Variants in FBLIM1 observed in about 807,000 individuals in gnomAD.
FBLIM1 encodes filamin binding LIM protein 1, also known as filamin-binding LIM protein 1.
In FBLIM1, 29 loss-of-function variants were observed where a neutral mutation model predicts 37.4. That is an observed-to-expected ratio of 0.77 (90% CI 0.58 to 1.06). The LOEUF (loss-of-function observed/expected upper bound fraction) is 1.06, where lower values mean the gene tolerates loss of function less well. Among genes scored for constraint, FBLIM1 ranks in the 50% least tolerant of loss-of-function variants. The pLI, the probability that FBLIM1 is intolerant of heterozygous loss-of-function variation, is 0.00. For synonymous variants in FBLIM1, 193 were observed against 199.0 expected (o/e 0.97, Z 0.25); for missense variants, 449 against 505.6 (o/e 0.89, Z 1.07).
rs201178759 is a variant in FBLIM1 at position 15,774,657 on chromosome 1, C to A, written c.751C>A (p.Arg251=). Residue 251 remains arginine, a synonymous_variant, in exon 7 of 9, where the codon CGG becomes AGG. Coordinates refer to ENST00000375766, the MANE Select transcript of FBLIM1 (RefSeq NM_017556.4). ...ERCGKCGEVV[R]DHIIRALGQA... ...GTGCGGCAAGTGTGGCGAGGTGGTC[C>A]GGGACCACATCATCAGGGCCCTGGG... 6.2e-7 allele frequency: 1 copy of A among 1,613,904 alleles called. No homozygotes were observed. The highest frequency in any genetic ancestry group is 2.2e-5 in the East Asian group (1 of 44,874).
chr1:15,777,506 G>C (rs1406568882), intron 8 of FBLIM1, among the ~76,000 whole-genome samples: 3 of 151,914 alleles, frequency 2.0e-5, no homozygotes, highest in African/African-American at 7.3e-5. Flanking sequence ...TCCAGAGAAG[G>C]GAATCTGTTG....
intron 4 of FBLIM1, among the ~76,000 whole-genome samples, 164 bp from the exon 5 acceptor site, chr1:15,768,364 G>A (rs2069027728): frequency 6.6e-6 from 1 of 152,144 alleles, no homozygotes; most frequent in Non-Finnish European, 1.5e-5. Flanking sequence ...CTGCCACTGT[G>A]ACCTTCCTGC....
chr1:15,763,560 T>C, intron 1 of FBLIM1, among the ~76,000 whole-genome samples: 1 of 148,760 alleles, frequency 6.7e-6, no homozygotes, highest in East Asian at 2.3e-4. Context: ...GGCGTGAACC[T>C]GGGAAGTGGA....
chr1:15,781,445 A>T (rs2148656678), intron 8 of FBLIM1, among the ~76,000 whole-genome samples: 1 of 150,710 alleles, frequency 6.6e-6, no homozygotes, highest in African/African-American at 2.4e-5. Context: ...ACCTGGAGGC[A>T]GAGGTTGCAG....
intron 1 of FBLIM1, among the ~76,000 whole-genome samples, 155 bp downstream of exon 1, chr1:15,759,003 G>A (rs2068534040): frequency 6.6e-6 from 1 of 152,032 alleles, no homozygotes; most frequent in Admixed American, 6.5e-5. Context: ...TGGGGGGTGC[G>A]GTCCTCACGC....
In FBLIM1 at chr1:15,784,584, C is replaced by G. The variant is rs776569856; in HGVS notation, c.1045C>G (p.Gln349Glu). The G allele has an allele frequency of 6.2e-7, 1 of 1,614,106 alleles. No individual in the cohort carries two copies. The highest frequency in any genetic ancestry group is 1.3e-5 in the African/African-American group (1 of 75,056). Reference protein sequence around the residue: ...RILLSVEPTDQGCYPLNNHLF... With the variant: ...RILLSVEPTDEGCYPLNNHLF... ...CCTCCTGTCTGTCGAGCCCACGGAC[C>G]AAGGCTGCTACCCCCTGAACAACCA... is the stretch of plus-strand genomic sequence containing the variant. Residue 349 changes from glutamine to glutamate, a missense_variant, in exon 9 of 9, where the codon CAA becomes GAA. Transcript: ENST00000375766.
At chr1:15,769,938 T>C (rs1263101119) in intron 5 of FBLIM1, among the ~76,000 whole-genome samples, 1 of 151,456 alleles carries the variant, frequency 6.6e-6, no homozygotes, top group Non-Finnish European at 1.5e-5. Context: ...GGGCTCTTTA[T>C]TTTTTTTAAT....
In FBLIM1 at chr1:15,768,587, G is replaced by T. The variant is rs567523634; in HGVS notation, c.498G>T (p.Leu166=). Reference sequence around the variant, plus strand: ...CCCTCAGGCCCATGGAGGAAGAGCTGCCACCTCCCCCGGCAGAACCTGTTG... The same window carrying T: ...CCCTCAGGCCCATGGAGGAAGAGCTTCCACCTCCCCCGGCAGAACCTGTTG... ...PGPLRPMEEE[L]PPPPAEPVEK... Residue 166 remains leucine, a synonymous_variant, in exon 5 of 9, where the codon CTG becomes CTT. Coordinates refer to ENST00000375766, the MANE Select transcript of FBLIM1 (RefSeq NM_017556.4). The T allele has an allele frequency of 1.9e-6, 3 of 1,612,198 alleles. No individual in the cohort carries two copies. In the Admixed American group the frequency reaches 5.0e-5, roughly 27 times the overall value.
chr1:15,757,130 A>G (rs1331267336), upstream of FBLIM1, among the ~76,000 whole-genome samples: 2 of 152,200 alleles, frequency 1.3e-5, no homozygotes, highest in Non-Finnish European at 2.9e-5. The surrounding 1 kb of genome is among the most constrained non-coding windows in gnomAD (Gnocchi z 4.1). Flanking sequence ...CTGCCAAGCC[A>G]GGAATGAGCC....
At chr1:15,773,452 G>A (rs1280828022) in intron 6 of FBLIM1, among the ~76,000 whole-genome samples, 7 of 151,742 alleles carry the variant, frequency 4.6e-5, no homozygotes, top group Admixed American at 2.0e-4. Flanking sequence ...GCTGAGGCAG[G>A]CAGATCACCT....
In FBLIM1 at chr1:15,784,739, CT is replaced by C; in HGVS notation, c.*79del. ...TGACTTGGTTTCCCTTCCTAACCTG[CT>C]CTTGCACACTTTCCTTCTGAGCCTC... On this transcript the variant is annotated 3_prime_UTR_variant, in exon 9 of 9. Coordinates refer to ENST00000375766, the MANE Select transcript of FBLIM1 (RefSeq NM_017556.4). 1 of 1,241,854 alleles carries C rather than the reference CT, an allele frequency of 8.1e-7. No homozygotes were observed. The highest frequency in any genetic ancestry group is 1.2e-6 in the Non-Finnish European group (1 of 858,054). The allele number at this position is 1,241,854 out of a possible 1,614,324, so 76.9% of individuals were successfully genotyped here.
At chr1:15,773,938 T>A (rs1330766957) in intron 6 of FBLIM1, among the ~76,000 whole-genome samples, 2 of 151,674 alleles carry the variant, frequency 1.3e-5, no homozygotes, top group Non-Finnish European at 2.9e-5. Context: ...AGGTCAGGAG[T>A]TCGAAACCAG....
At chr1:15,771,692 A>G (rs1036727132) in intron 6 of FBLIM1, among the ~76,000 whole-genome samples, 3 of 152,084 alleles carry the variant, frequency 2.0e-5, no homozygotes, top group Middle Eastern at 3.4e-3. Context: ...CACCTGGATA[A>G]TCAGGATAAT....
intron 8 of FBLIM1, among the ~76,000 whole-genome samples, chr1:15,780,082 C>G (rs2069597650): frequency 6.6e-6 from 1 of 151,614 alleles, no homozygotes; most frequent in Admixed American, 6.6e-5. Context: ...GAGTTGACTT[C>G]TCTACAAAAA....
Position 15,774,729 on chromosome 1 carries a change from T to C in FBLIM1, c.823T>C (p.Cys275Arg), listed in dbSNP as rs2069407611. ...CTTCACGTGTGTGACCTGCGCCCGG[T>C]GCATTGGGGATGAGAGCTTTGCCCT... is the stretch of plus-strand genomic sequence containing the variant. Reference protein sequence around the residue: ...SCFTCVTCARCIGDESFALGS... With the variant: ...SCFTCVTCARRIGDESFALGS... Residue 275 changes from cysteine (C) to arginine (R), a missense_variant, in exon 7 of 9, where the codon TGC becomes CGC. Physicochemically the swap from Cys to Arg is radical, Grantham distance 180. Transcript: ENST00000375766. The C allele has an allele frequency of 6.2e-7, 1 of 1,614,054 alleles. No individual in the cohort carries two copies. Among genetic ancestry groups the C allele is most frequent in the South Asian group, 1.1e-5 (1 of 91,076 alleles).
rs36050598 is a variant in FBLIM1 at position 15,782,810 on chromosome 1, CT to C, written c.1009-1722del. On this transcript the variant is annotated intron_variant, in intron 8 of 8. Coordinates refer to ENST00000375766, the MANE Select transcript of FBLIM1 (RefSeq NM_017556.4). Reference sequence around the variant, plus strand: ...CCCCAAAGTAGTCCCTATAGGGACTCTTTTTTTTTTTTTTTTGAGACGGAGT... The same window carrying C: ...CCCCAAAGTAGTCCCTATAGGGACTCTTTTTTTTTTTTTTTGAGACGGAGT... Among the ~76,000 whole-genome samples the C allele has an allele frequency of 2.0e-3, 271 of 132,526 alleles. 1 individual carries two copies. Among genetic ancestry groups the C allele is most frequent in the Middle Eastern group, 4.0e-3 (1 of 252 alleles). The allele number at this position is 132,526 out of a possible 152,430, so 86.9% of individuals were successfully genotyped here.
At chr1:15,776,146 G>A (rs936798250) in intron 7 of FBLIM1, among the ~76,000 whole-genome samples, 62 of 152,168 alleles carry the variant, frequency 4.1e-4, no homozygotes, top group African/African-American at 1.4e-3. Flanking sequence ...GGCCGGGCGC[G>A]GTAGCTCACG....
intron 6 of FBLIM1, among the ~76,000 whole-genome samples, chr1:15,772,076 C>G (rs1046834352): frequency 6.6e-6 from 1 of 152,142 alleles, no homozygotes; most frequent in Non-Finnish European, 1.5e-5. Flanking sequence ...CACCCACAGC[C>G]GCATCCCCTG....
At chr1:15,762,940 A>C (rs1415269653) in intron 1 of FBLIM1, among the ~76,000 whole-genome samples, 1 of 152,222 alleles carries the variant, frequency 6.6e-6, no homozygotes. Context: ...GGGGCAGGAC[A>C]GGAAAACCAT....
Sources: allele counts gnomAD v4.1 joint callset (sites outside exome capture counted in the v4.1 genomes callset), GRCh38; gene constraint gnomAD v4.1.1; non-coding constraint Gnocchi (gnomAD v3.1); transcripts MANE v1.5; gene names NCBI Gene and HGNC (gene_info 2026-07-23, HGNC 2026-07-21).